The following GPC5 variants were observed in gnomAD, a reference collection of about 807,000 sequenced individuals.
GPC5 encodes the protein glypican 5, also known as glypican-5.
In GPC5, 47 loss-of-function variants were observed where a neutral mutation model predicts 53.9. That is an observed-to-expected ratio of 0.87 (90% CI 0.69 to 1.11). The LOEUF (loss-of-function observed/expected upper bound fraction) is 1.11, where lower values mean the gene tolerates loss of function less well. Among genes scored for constraint, GPC5 ranks in the 50% most tolerant of loss-of-function variants. The pLI, the probability that GPC5 is intolerant of heterozygous loss-of-function variation, is 0.00. For missense variants in GPC5, 748 were observed against 713.1 expected (o/e 1.05, Z -0.56); for synonymous variants, 286 against 263.3 (o/e 1.09, Z -0.84).
chr13:91,587,075 A>G (rs1275333136), intron 2 of GPC5, among the ~76,000 whole-genome samples: 2 of 152,140 alleles, frequency 1.3e-5, no homozygotes, highest in East Asian at 1.9e-4. Flanking sequence ...TCAGTTTTCA[A>G]GCTGCTCTAG....
chr13:92,831,702 G>A (rs748402391), intron 7 of GPC5, among the ~76,000 whole-genome samples: 7 of 152,176 alleles, frequency 4.6e-5, no homozygotes, highest in Non-Finnish European at 8.8e-5. Flanking sequence ...GACTTCAGGT[G>A]TGTCTGGATC....
At chr13:91,429,005 T>G (rs1380068484) in intron 1 of GPC5, among the ~76,000 whole-genome samples, 2 of 152,110 alleles carry the variant, frequency 1.3e-5, no homozygotes, top group African/African-American at 4.8e-5. Flanking sequence ...CTGCAACCTC[T>G]GCCTCCTGGG....
chr13:92,725,973 A>G (rs542580307), intron 7 of GPC5, among the ~76,000 whole-genome samples: 1 of 151,722 alleles, frequency 6.6e-6, no homozygotes, highest in Non-Finnish European at 1.5e-5. Flanking sequence ...ACTGAACTGT[A>G]TCAGGCTTCA....
chr13:92,604,931 C>T (rs182043933), intron 7 of GPC5, among the ~76,000 whole-genome samples: 38 of 152,288 alleles, frequency 2.5e-4, no homozygotes, highest in African/African-American at 8.7e-4. Context: ...ATCTTGCTGA[C>T]TCTTCATTAA....
intron 6 of GPC5, among the ~76,000 whole-genome samples, chr13:92,091,021 A>G (rs1324483461): frequency 6.6e-6 from 1 of 152,206 alleles, no homozygotes; most frequent in Non-Finnish European, 1.5e-5. Flanking sequence ...GGCAGCTTTC[A>G]CGAGGGACTG....
At chr13:92,615,755 A>G (rs559304503) in intron 7 of GPC5, among the ~76,000 whole-genome samples, 3 of 152,244 alleles carry the variant, frequency 2.0e-5, no homozygotes, top group South Asian at 2.1e-4. Flanking sequence ...TTTTTGACCA[A>G]TAAAACTTCC....
chr13:92,539,781 A>G (rs568018049), intron 7 of GPC5, among the ~76,000 whole-genome samples: 1 of 151,924 alleles, frequency 6.6e-6, no homozygotes, highest in Non-Finnish European at 1.5e-5. Context: ...CACAGAACAC[A>G]TTTTGATCAT....
intron 2 of GPC5, among the ~76,000 whole-genome samples, chr13:91,576,740 A>G (rs941540759): frequency 6.6e-6 from 1 of 152,154 alleles, no homozygotes; most frequent in African/African-American, 2.4e-5. Flanking sequence ...TTAAAGGCAT[A>G]TGGCTAAGTC....
At chr13:91,764,611 A>C (rs1456232091) in intron 5 of GPC5, among the ~76,000 whole-genome samples, 1 of 152,108 alleles carries the variant, frequency 6.6e-6, no homozygotes, top group African/African-American at 2.4e-5. Flanking sequence ...TAATAATCAA[A>C]CGTGTGAAAT....
chr13:91,727,937 AT>A (rs941282695), intron 3 of GPC5, among the ~76,000 whole-genome samples: 1 of 152,130 alleles, frequency 6.6e-6, no homozygotes, highest in Admixed American at 6.6e-5. Flanking sequence ...GAAACAATAC[AT>A]TTTTCAATGG....
chr13:92,026,805 T>C (rs1364043703), intron 6 of GPC5, among the ~76,000 whole-genome samples: 1 of 152,082 alleles, frequency 6.6e-6, no homozygotes, highest in Non-Finnish European at 1.5e-5. Flanking sequence ...GGAGGTGAAA[T>C]AGGAAAACTA....
chr13:91,893,427 A>C (rs1446978976), intron 5 of GPC5, among the ~76,000 whole-genome samples: 1 of 152,090 alleles, frequency 6.6e-6, no homozygotes, highest in Non-Finnish European at 1.5e-5. Context: ...ATCTGTCTAA[A>C]TCAATCTGAA....
chr13:91,614,409 C>A (rs2139327934), intron 2 of GPC5, among the ~76,000 whole-genome samples: 1 of 152,248 alleles, frequency 6.6e-6, no homozygotes, highest in East Asian at 1.9e-4. Flanking sequence ...TTCACCACAA[C>A]CTCCCTCCGC....
intron 3 of GPC5, among the ~76,000 whole-genome samples, chr13:91,694,262 T>A (rs1363240772): frequency 6.6e-6 from 1 of 152,228 alleles, no homozygotes; most frequent in Admixed American, 6.5e-5. Context: ...TTTGGGAATA[T>A]AGGCATTATG....
chr13:92,374,853 TAA>T (rs60231751), intron 7 of GPC5, among the ~76,000 whole-genome samples: 58,302 of 124,370 alleles, frequency 0.47, 12,913 homozygotes, highest in East Asian at 0.58. Flanking sequence ...TAAAGTATAA[TAA>T]AAAAAAAAAA....
intron 5 of GPC5, among the ~76,000 whole-genome samples, chr13:91,840,615 C>T (rs888820409): frequency 1.1e-4 from 16 of 152,040 alleles, no homozygotes; most frequent in Middle Eastern, 3.4e-3. Flanking sequence ...AAGTTAATCA[C>T]ATTTGACCAT....
chr13:91,728,080 G>A (rs370509806), intron 3 of GPC5, among the ~76,000 whole-genome samples: 100 of 152,204 alleles, frequency 6.6e-4, no homozygotes, highest in African/African-American at 1.9e-3. Context: ...AAGAAAGGAC[G>A]TTAAGAAGAA....
intron 7 of GPC5, among the ~76,000 whole-genome samples, chr13:92,203,240 A>C (rs2042307620): frequency 6.6e-6 from 1 of 151,606 alleles, no homozygotes; most frequent in South Asian, 2.1e-4. Context: ...ACCAACCCAA[A>C]TGTCCAACAA....
Position 91,931,278 on chromosome 13 carries a change from A to G in GPC5, c.1401+23221A>G, listed in dbSNP as rs151015600. Among the ~76,000 whole-genome samples, 834 of 152,164 alleles carry G rather than the reference A, an allele frequency of 5.5e-3. 15 individuals are homozygous for G. Among genetic ancestry groups the G allele is most frequent in the African/African-American group, 0.019 (802 of 41,548 alleles). ...CTCAATAATATTTGTGTATGAATTC[A>G]CTTGTGAATTATGTAAGGCTTACGT... is the stretch of plus-strand genomic sequence containing the variant. On this transcript the variant is annotated intron_variant, in intron 6 of 7. Transcript: ENST00000377067.
Sources: allele counts gnomAD v4.1 joint callset (sites outside exome capture counted in the v4.1 genomes callset), GRCh38; gene constraint gnomAD v4.1.1; transcripts MANE v1.5; gene names NCBI Gene and HGNC (gene_info 2026-07-23, HGNC 2026-07-21).